CCDC178: variants seen among roughly 807,000 people sequenced by gnomAD.
The protein encoded by CCDC178 is coiled-coil domain containing 178.
CCDC178 carries 126 observed loss-of-function variants against 117.4 expected under a neutral mutation model. The observed-to-expected ratio is 1.07, with a 90% CI of 0.93 to 1.24. The LOEUF is 1.24. Ranked by LOEUF, CCDC178 falls within the 50% of genes most tolerant of loss-of-function variation. The pLI is 0.00. For missense variants in CCDC178, 1,030 were observed against 986.9 expected (o/e 1.04, Z -0.59); for synonymous variants, 283 against 313.4 (o/e 0.90, Z 1.02).
chr18:32,968,261 TCTGA>T (rs2054857419), intron 22 of CCDC178, among the ~76,000 whole-genome samples: 1 of 152,032 alleles, frequency 6.6e-6, no homozygotes, highest in Non-Finnish European at 1.5e-5. Flanking sequence ...ACTTTCTGTG[TCTGA>T]CTTATTTTAC....
intron 11 of CCDC178, among the ~76,000 whole-genome samples, chr18:33,296,225 A>C (rs2062104456): frequency 6.6e-6 from 1 of 152,286 alleles, no homozygotes; most frequent in Non-Finnish European, 1.5e-5. Flanking sequence ...TAACACTCTT[A>C]AAATGGCAAG....
In CCDC178 at chr18:33,379,140, ATATATATATAATATATATATTT is replaced by A. The variant is rs2063403175; in HGVS notation, c.209-8973_209-8952del. 1.0e-3 allele frequency among the ~76,000 whole-genome samples: 5 copies of A among 4,948 alleles called. No individual in the cohort carries two copies. In the Admixed American group the frequency reaches 0.025, roughly 24 times the overall value. The allele number at this position is 4,948 out of a possible 152,430, so 3.2% of individuals were successfully genotyped here. ...ATATATATATAATATATATATTTCC[ATATATATATAATATATATATTT>A]CCATATATATAATATATATATTTCC... On this transcript the variant is annotated intron_variant, in intron 5 of 22. Coordinates refer to ENST00000383096, the MANE Select transcript of CCDC178 (RefSeq NM_001105528.4).
intron 5 of CCDC178, among the ~76,000 whole-genome samples, chr18:33,385,295 T>A (rs980188916): frequency 2.0e-5 from 3 of 152,156 alleles, no homozygotes; most frequent in African/African-American, 7.2e-5. Flanking sequence ...CTGTCAGTAT[T>A]AGACAGATCA....
At chr18:33,259,635 C>T (rs2059718112) in intron 14 of CCDC178, among the ~76,000 whole-genome samples, 1 of 152,026 alleles carries the variant, frequency 6.6e-6, no homozygotes, top group Non-Finnish European at 1.5e-5. Flanking sequence ...GGAAGTCTGC[C>T]CCCATGATTC....
At chr18:33,322,879 T>C (rs1184970466) in intron 11 of CCDC178, among the ~76,000 whole-genome samples, 1 of 151,344 alleles carries the variant, frequency 6.6e-6, no homozygotes, top group African/African-American at 2.4e-5. Context: ...TAAATTCTTT[T>C]ATACTAAATC....
chr18:32,937,903 A>T lies in CCDC178; in HGVS notation c.*108T>A, dbSNP rs2054154152. The T allele has an allele frequency of 1.1e-5, 9 of 830,770 alleles. No homozygotes were observed. The highest frequency in any genetic ancestry group is 1.8e-5 in the Non-Finnish European group (9 of 496,864). 51.5% of individuals were successfully genotyped at this position (830,770 alleles called of 1,614,324 possible). A position where few individuals can be genotyped will look rare whatever the true frequency, so the allele number is the denominator to read the frequency against. On this transcript the variant is annotated 3_prime_UTR_variant, in exon 23 of 23. Transcript: ENST00000383096. The stretch of plus-strand genomic sequence containing the variant: ...TGGGAGGTGAGTGAGTTTTTCGTTC[A>T]TGGAAGTGTGAAATGGCAAACAGGT...
At chr18:32,993,605 G>C (rs1028242162) in intron 21 of CCDC178, among the ~76,000 whole-genome samples, 1 of 152,096 alleles carries the variant, frequency 6.6e-6, no homozygotes, top group African/African-American at 2.4e-5. Flanking sequence ...CCAGTTTTGG[G>C]GCTCACCTGC....
At chr18:33,313,293 G>A (rs1224749161) in intron 11 of CCDC178, among the ~76,000 whole-genome samples, 5 of 152,186 alleles carry the variant, frequency 3.3e-5, no homozygotes, top group Admixed American at 3.3e-4. Flanking sequence ...CCAGGTGGAA[G>A]CAGTTCACTG....
chr18:33,075,060 A>T (rs1379585721), intron 21 of CCDC178, among the ~76,000 whole-genome samples: 1 of 152,216 alleles, frequency 6.6e-6, no homozygotes, highest in Non-Finnish European at 1.5e-5. Context: ...AAAGACATCT[A>T]TATTAGGAGC....
rs540450972 is a variant in CCDC178 at position 33,154,942 on chromosome 18, C to T, written c.2238+56954G>A. ...CTATAATCATAGTGGGAGATTTCAA[C>T]ACCTCTTGTCCAGTAATTGATAGAA... On this transcript the variant is annotated intron_variant, in intron 20 of 22. Coordinates refer to ENST00000383096, the MANE Select transcript of CCDC178 (RefSeq NM_001105528.4). 7.6e-4 allele frequency among the ~76,000 whole-genome samples: 115 copies of T among 152,210 alleles called. 1 individual carries two copies. Among genetic ancestry groups the T allele is most frequent in the African/African-American group, 2.6e-3 (110 of 41,568 alleles).
intron 20 of CCDC178, among the ~76,000 whole-genome samples, chr18:33,107,454 A>G (rs2057723156): frequency 6.6e-6 from 1 of 151,664 alleles, no homozygotes; most frequent in African/African-American, 2.4e-5. Context: ...CAAAATGTTG[A>G]AATCTCAAAA....
rs118117860 is a variant in CCDC178 at position 33,011,501 on chromosome 18, A to T, written c.2389-36820T>A. Among the ~76,000 whole-genome samples the T allele has an allele frequency of 8.0e-3, 1,218 of 152,110 alleles. 10 individuals carry two copies. The highest frequency in any genetic ancestry group is 9.7e-3 in the Non-Finnish European group (659 of 67,984). On this transcript the variant is annotated intron_variant, in intron 21 of 22. Transcript: ENST00000383096. Reference sequence around the variant, plus strand: ...ATGAGCGGAAGCCTGCAGGATTCCAATGGGGAGCCGAGTAATGAGCTCTCA... The same window carrying T: ...ATGAGCGGAAGCCTGCAGGATTCCATTGGGGAGCCGAGTAATGAGCTCTCA...
chr18:33,224,832 C>T lies in CCDC178; in HGVS notation c.1761G>A (p.Leu587=), dbSNP rs1251633951. The T allele has an allele frequency of 6.4e-7, 1 of 1,572,712 alleles. No individual in the cohort carries two copies. Residue 587 remains leucine (L), a synonymous_variant, in exon 17 of 23, where the codon CTG becomes CTA. Transcript: ENST00000383096. ...AMSLAELQEP[L]LQLEDEAERI... is the part of the protein sequence containing the mutation. ...TTTCAGCTTCATCTTCTAGTTGAAG[C>T]AGAGGTTCCTGTAGTTCTGCCAGTG...
chr18:32,981,535 T>C (rs534469620), intron 21 of CCDC178, among the ~76,000 whole-genome samples: 1 of 152,238 alleles, frequency 6.6e-6, no homozygotes, highest in Non-Finnish European at 1.5e-5. Context: ...TAGTTGTTTC[T>C]TTAAAGAACA....
rs868520854 is a variant in CCDC178 at position 33,003,371 on chromosome 18, A to T, written c.2389-28690T>A. 2.0e-5 allele frequency among the ~76,000 whole-genome samples: 3 copies of T among 152,200 alleles called. No homozygotes were observed. The South Asian group carries it at 6.2e-4, about 31-fold the overall frequency. On this transcript the variant is annotated intron_variant, in intron 21 of 22. Transcript: ENST00000383096. ...TGGGATTTATCCCAGGGATATAAGG[A>T]TGGTTCAACATATGCAAATCAATCA... is the stretch of plus-strand genomic sequence containing the variant.
intron 21 of CCDC178, among the ~76,000 whole-genome samples, chr18:33,054,826 A>G (rs746649673): frequency 2.0e-5 from 3 of 152,216 alleles, no homozygotes; most frequent in Non-Finnish European, 2.9e-5. Flanking sequence ...TTCTACCTGT[A>G]GGTCTTTGAG....
chr18:33,161,781 G>C (rs1235736525), intron 20 of CCDC178, among the ~76,000 whole-genome samples: 2 of 152,130 alleles, frequency 1.3e-5, no homozygotes. Context: ...GTATTCCATG[G>C]TGTATATGTG....
chr18:33,429,238 A>G lies in CCDC178; in HGVS notation c.-23+10724T>C, dbSNP rs367975293. Among the ~76,000 whole-genome samples, 29 of 152,256 alleles carry G rather than the reference A, an allele frequency of 1.9e-4. No homozygotes were observed. The East Asian group carries it at 2.1e-3, about 11-fold the overall frequency. The stretch of plus-strand genomic sequence containing the variant: ...TAGAAAAATCAGTAATTAAAAATGA[A>G]ATATCCAAACAGAAAAGATGAACTA... On this transcript the variant is annotated intron_variant, in intron 2 of 22. Coordinates refer to ENST00000383096, the MANE Select transcript of CCDC178 (RefSeq NM_001105528.4).
intron 22 of CCDC178, among the ~76,000 whole-genome samples, chr18:32,943,684 C>T (rs1391319788): frequency 1.3e-5 from 2 of 152,162 alleles, no homozygotes; most frequent in East Asian, 3.8e-4. Context: ...GTTGTAAACA[C>T]TGAATATTCT....
Sources: gnomAD v4.1 joint callset for allele counts (sites outside exome capture counted in the v4.1 genomes callset) on GRCh38, gnomAD v4.1.1 for gene constraint, MANE v1.5 for transcripts, NCBI Gene and HGNC (gene_info 2026-07-23, HGNC 2026-07-21) for gene names.